Variants in ICA1L observed in about 807,000 individuals in gnomAD.
ICA1L encodes the protein islet cell autoantigen 1-like protein.
Under a neutral mutation model 61.3 loss-of-function variants are expected in ICA1L, and 50 were observed. That is an observed-to-expected ratio of 0.82 (90% CI 0.65 to 1.03). ICA1L has a LOEUF of 1.03. Among genes scored for constraint, ICA1L ranks in the 50% least tolerant of loss-of-function variants. ICA1L has a pLI of 0.00. For missense variants in ICA1L, 508 were observed against 556.7 expected (o/e 0.91, Z 0.88); for synonymous variants, 161 against 191.3 (o/e 0.84, Z 1.31).
At chr2:202,825,668 A>G (rs1352000103) in intron 3 of ICA1L, 27 bp downstream of exon 3, 1 of 1,386,850 alleles carries the variant, frequency 7.2e-7, no homozygotes, top group Non-Finnish European at 1.0e-6. Flanking sequence ...AATGGGGATT[A>G]TCAGATAGAT....
At chr2:202,785,244 A>G (rs993129211) in intron 12 of ICA1L, among the ~76,000 whole-genome samples, 1 of 151,790 alleles carries the variant, frequency 6.6e-6, no homozygotes, top group African/African-American at 2.4e-5. Flanking sequence ...AAAAGAAAAG[A>G]AAAAGGTTAA....
intron 9 of ICA1L, among the ~76,000 whole-genome samples, chr2:202,804,381 C>T (rs548914247): frequency 7.3e-4 from 111 of 152,300 alleles, no homozygotes; most frequent in Middle Eastern, 3.4e-3. Context: ...TTCAGGTGTG[C>T]TCTCACCATT....
intron 1 of ICA1L, among the ~76,000 whole-genome samples, chr2:202,839,883 C>T (rs1694274122): frequency 6.6e-6 from 1 of 151,812 alleles, no homozygotes; most frequent in Admixed American, 6.6e-5. Flanking sequence ...TTTGTGTTTA[C>T]CATGAGGCTT....
At position 202,821,365 on chromosome 2, in the gene ICA1L, T is replaced by C. The variant is rs1440613024; in HGVS notation, c.352A>G (p.Lys118Glu). The change falls in exon 4 of 13, where the codon AAG (lysine) becomes GAG (glutamate). Residue 118 changes from lysine (K) to glutamate (E), a missense_variant. Physicochemically the swap from Lys to Glu is moderately conservative, Grantham distance 56. Coordinates refer to ENST00000358299, the MANE Select transcript of ICA1L (RefSeq NM_001288622.3). ...TGAACAACCATGGTAAACCTTTGCT[T>C]GGCTGAAGAACAAAGTGCCTTGCCA... ...ATGKALCSSAKQRLALCTPLS... is the reference protein window; with the variant it reads ...ATGKALCSSAEQRLALCTPLS... 3 of 1,613,522 alleles carry C rather than the reference T, an allele frequency of 1.9e-6. No homozygotes were observed. Among genetic ancestry groups the C allele is most frequent in the East Asian group, 2.2e-5 (1 of 44,834 alleles).
Position 202,828,968 on chromosome 2 carries a change from T to C in ICA1L, c.42A>G (p.Ser14=). 6.2e-7 allele frequency: 1 copy of C among 1,606,602 alleles called. No individual in the cohort carries two copies. Among genetic ancestry groups the C allele is most frequent in the African/African-American group, 1.3e-5 (1 of 74,680 alleles). The change falls in exon 2 of 13, where the codon TCA becomes TCG. Residue 14 remains serine, a synonymous_variant. Coordinates refer to ENST00000358299, the MANE Select transcript of ICA1L (RefSeq NM_001288622.3). ...FGQPRPEDNQ[S]VVRRMQKKYW... ...ATTTCTTTTGCATTCTTCTGACTAC[T>C]GACTGATTATCTTCTGGTCTGGGTT...
At chr2:202,783,724 T>C (rs1029229041) in intron 12 of ICA1L, among the ~76,000 whole-genome samples, 1 of 152,196 alleles carries the variant, frequency 6.6e-6, no homozygotes, top group African/African-American at 2.4e-5. Flanking sequence ...CTGAATAAGA[T>C]CTACAGTAGA....
At chr2:202,859,152 A>G (rs558595940) in intron 1 of ICA1L, among the ~76,000 whole-genome samples, 4 of 152,328 alleles carry the variant, frequency 2.6e-5, no homozygotes, top group Non-Finnish European at 5.9e-5. Context: ...AGGGTAACTG[A>G]TATGAAAGAC....
chr2:202,863,824 C>CA (rs771457963), intron 1 of ICA1L, among the ~76,000 whole-genome samples: 1,644 of 65,114 alleles, frequency 0.025, 15 homozygotes, highest in Middle Eastern at 0.05. Context: ...GACTCCGTCT[C>CA]AAAAAAAAAA....
At chr2:202,785,233 A>G (rs574358032) in intron 12 of ICA1L, among the ~76,000 whole-genome samples, 191 of 151,910 alleles carry the variant, frequency 1.3e-3, no homozygotes, top group African/African-American at 1.9e-3. Flanking sequence ...AAAAAAAAAA[A>G]AAAAGAAAAG....
chr2:202,855,958 C>T (rs545536021), intron 1 of ICA1L, among the ~76,000 whole-genome samples: 3 of 151,562 alleles, frequency 2.0e-5, no homozygotes, highest in African/African-American at 7.3e-5. Flanking sequence ...ACTGGAACCC[C>T]AGCTACTCAA....
rs1218174330 is a variant in ICA1L at position 202,849,818 on chromosome 2, C to T, written c.-7-20802G>A. Among the ~76,000 whole-genome samples the T allele has an allele frequency of 6.6e-6, 1 of 152,196 alleles. No individual in the cohort carries two copies. The highest frequency in any genetic ancestry group is 1.9e-4 in the East Asian group (1 of 5,188). On this transcript the variant is annotated intron_variant, in intron 1 of 12. Coordinates refer to ENST00000358299, the MANE Select transcript of ICA1L (RefSeq NM_001288622.3). The surrounding 1 kb of genome is among the most constrained non-coding windows in gnomAD (Gnocchi z 4.5). ...TCTGCTAGGGGACAGACAGCCTCCT[C>T]AAGTGGGTCCCAGACCCCCATGCCT... is the stretch of plus-strand genomic sequence containing the variant.
At chr2:202,794,966 C>T (rs1293918073) in intron 10 of ICA1L, among the ~76,000 whole-genome samples, 1 of 135,036 alleles carries the variant, frequency 7.4e-6, no homozygotes, top group Non-Finnish European at 1.6e-5. Context: ...ATTTTATATT[C>T]AAATTGAAAA....
chr2:202,840,254 C>T, intron 1 of ICA1L: 1 of 437,800 alleles, frequency 2.3e-6, no homozygotes, highest in Non-Finnish European at 4.5e-6. Context: ...TCCCTGTGCT[C>T]CCCTGCACAG....
chr2:202,863,359 G>A (rs1436658476), intron 1 of ICA1L, among the ~76,000 whole-genome samples: 2 of 151,914 alleles, frequency 1.3e-5, no homozygotes, highest in African/African-American at 4.8e-5. Flanking sequence ...TAGAAAAAGA[G>A]GAGCAAATTA....
chr2:202,851,317 C>A (rs1268706646), intron 1 of ICA1L, among the ~76,000 whole-genome samples: 1 of 152,100 alleles, frequency 6.6e-6, no homozygotes, highest in African/African-American at 2.4e-5. Flanking sequence ...CAGCTTCATC[C>A]ATGTCCCTAT....
chr2:202,780,284 C>CAGTT (rs1376614994), intron 12 of ICA1L, among the ~76,000 whole-genome samples: 3 of 151,490 alleles, frequency 2.0e-5, no homozygotes. Context: ...TTTTGGTTTA[C>CAGTT]AGTTGTTATG....
chr2:202,825,516 G>C, intron 3 of ICA1L, 179 bp downstream of exon 3: 1 of 1,334,396 alleles, frequency 7.5e-7, no homozygotes, highest in Non-Finnish European at 9.6e-7. Context: ...CAGAGGATTT[G>C]ATTAACTGAG....
chr2:202,853,882 C>A (rs1486207301), intron 1 of ICA1L, among the ~76,000 whole-genome samples: 1 of 152,102 alleles, frequency 6.6e-6, no homozygotes, highest in African/African-American at 2.4e-5. Context: ...TACGAGAGCT[C>A]CTGAAGGAAG....
intron 1 of ICA1L, among the ~76,000 whole-genome samples, chr2:202,856,827 T>C (rs185198912): frequency 6.6e-6 from 1 of 152,218 alleles, no homozygotes; most frequent in East Asian, 1.9e-4. Flanking sequence ...AGCATTCCTA[T>C]ACATCAATAA....
Sources: allele counts gnomAD v4.1 joint callset (sites outside exome capture counted in the v4.1 genomes callset), GRCh38; gene constraint gnomAD v4.1.1; non-coding constraint Gnocchi (gnomAD v3.1); transcripts MANE v1.5; gene names NCBI Gene and HGNC (gene_info 2026-07-23, HGNC 2026-07-21).